The following MYRFL variants were observed in gnomAD, a reference collection of about 807,000 sequenced individuals.
MYRFL encodes the protein myelin regulatory factor like.
In MYRFL, 88 loss-of-function variants were observed where a neutral mutation model predicts 109.4. The ratio of observed to expected loss-of-function variants is 0.80; its 90% confidence interval spans 0.68 to 0.96. The LOEUF (loss-of-function observed/expected upper bound fraction) is 0.96, where lower values mean the gene tolerates loss of function less well. Among genes scored for constraint, MYRFL ranks in the 40% least tolerant of loss-of-function variants. The pLI, the probability that MYRFL is intolerant of heterozygous loss-of-function variation, is 0.00. For synonymous variants in MYRFL, 324 were observed against 320.9 expected (o/e 1.01, Z -0.10); for missense variants, 957 against 954.9 (o/e 1.00, Z -0.03).
chr12:69,907,487 G>T (rs1243130311), intron 11 of MYRFL, among the ~76,000 whole-genome samples: 3 of 152,144 alleles, frequency 2.0e-5, no homozygotes, highest in African/African-American at 7.2e-5. Context: ...GGGCCCTGCA[G>T]GTGGGGCAGG....
At chr12:69,832,424 G>A (rs1882686149) in intron 1 of MYRFL, among the ~76,000 whole-genome samples, 1 of 152,212 alleles carries the variant, frequency 6.6e-6, no homozygotes, top group East Asian at 1.9e-4. Context: ...TAGATGAAGG[G>A]AGAAGACGAT....
intron 1 of MYRFL, among the ~76,000 whole-genome samples, chr12:69,853,552 C>T (rs528480536): frequency 4.2e-4 from 58 of 139,452 alleles, no homozygotes; most frequent in African/African-American, 1.3e-3. Flanking sequence ...ACATCTCAGA[C>T]GACGGGCGGC....
At chr12:69,836,201 G>T (rs1370154926) in intron 1 of MYRFL, among the ~76,000 whole-genome samples, 1 of 152,206 alleles carries the variant, frequency 6.6e-6, no homozygotes, top group Admixed American at 6.5e-5. Context: ...GCCGGTGTGG[G>T]TCCATTCCTC....
rs113856407 is a variant in MYRFL, at chr12:69,874,358, T to C, written c.138-4670T>C. On this transcript the variant is annotated intron_variant, in intron 2 of 24. Transcript: ENST00000552032. ...ACGCCCTGCTAATTTTAATATTTTT[T>C]GTAGAAACAGGGTCTTCCCATGTTG... is the stretch of plus-strand genomic sequence containing the variant. 6.1e-3 allele frequency among the ~76,000 whole-genome samples: 936 copies of C among 152,214 alleles called. 9 individuals carry two copies. Among genetic ancestry groups the C allele is most frequent in the African/African-American group, 0.022 (895 of 41,522 alleles).
chr12:69,937,043 A>C (rs1044582439), intron 19 of MYRFL, among the ~76,000 whole-genome samples: 7 of 152,282 alleles, frequency 4.6e-5, no homozygotes, highest in East Asian at 3.9e-4. Flanking sequence ...TCTAATTTAG[A>C]GTTCAGGGTG....
intron 1 of MYRFL, among the ~76,000 whole-genome samples, chr12:69,849,961 A>G (rs1440677172): frequency 6.6e-6 from 1 of 152,132 alleles, no homozygotes; most frequent in East Asian, 1.9e-4. Flanking sequence ...TCCCCACCCA[A>G]ATCTCATCTT....
intron 2 of MYRFL, among the ~76,000 whole-genome samples, chr12:69,870,539 G>A (rs555625162): frequency 6.6e-6 from 1 of 152,130 alleles, no homozygotes; most frequent in African/African-American, 2.4e-5. Flanking sequence ...ACGATTGTGA[G>A]TAAAAGGGGC....
chr12:69,842,006 T>C (rs1202314388), intron 1 of MYRFL, among the ~76,000 whole-genome samples: 1 of 152,320 alleles, frequency 6.6e-6, no homozygotes, highest in East Asian at 1.9e-4. Context: ...AGAGGCTAGC[T>C]AACTTATCCT....
chr12:69,836,255 C>T (rs906476084), intron 1 of MYRFL, among the ~76,000 whole-genome samples: 1 of 152,174 alleles, frequency 6.6e-6, no homozygotes, highest in Admixed American at 6.5e-5. Flanking sequence ...ATGTGCTCCT[C>T]TTGCCCTCCA....
chr12:69,904,975 T>C (rs1226978965), intron 11 of MYRFL, among the ~76,000 whole-genome samples: 6 of 152,170 alleles, frequency 3.9e-5, no homozygotes, highest in Admixed American at 3.9e-4. Context: ...CAAAGAATGG[T>C]TGTAATTGTA....
intron 1 of MYRFL, among the ~76,000 whole-genome samples, chr12:69,831,537 G>T (rs1173931932): frequency 6.6e-6 from 1 of 152,150 alleles, no homozygotes; most frequent in Non-Finnish European, 1.5e-5. Flanking sequence ...CTACCTGTGG[G>T]ACTATGGATA....
chr12:69,829,360 C>T (rs899198703), intron 1 of MYRFL, among the ~76,000 whole-genome samples: 4 of 152,038 alleles, frequency 2.6e-5, no homozygotes, highest in East Asian at 3.9e-4. Flanking sequence ...AGGAATACCA[C>T]GGAAGTGCCC....
chr12:69,913,255 G>C (rs1302709625), intron 13 of MYRFL, among the ~76,000 whole-genome samples: 2 of 152,214 alleles, frequency 1.3e-5, no homozygotes, highest in East Asian at 3.9e-4. Context: ...TCTGTGGGTT[G>C]TCTTTTCACT....
intron 8 of MYRFL, among the ~76,000 whole-genome samples, chr12:69,894,205 C>T (rs1887086558): frequency 6.6e-6 from 1 of 151,780 alleles, no homozygotes; most frequent in Admixed American, 6.6e-5. Flanking sequence ...ATCGTGTTGG[C>T]CAGGCTGGTC....
At chr12:69,852,259 C>T (rs895822808) in intron 1 of MYRFL, among the ~76,000 whole-genome samples, 1 of 152,106 alleles carries the variant, frequency 6.6e-6, no homozygotes, top group Non-Finnish European at 1.5e-5. Context: ...TGTCTTTCAG[C>T]CTAAGAACAA....
chr12:69,876,924 G>A (rs1478781453), intron 2 of MYRFL, among the ~76,000 whole-genome samples: 1 of 152,024 alleles, frequency 6.6e-6, no homozygotes, highest in Admixed American at 6.5e-5. Flanking sequence ...CATTTCTCTA[G>A]AGAGTAAACC....
At chr12:69,849,659 T>A (rs1168589034) in intron 1 of MYRFL, among the ~76,000 whole-genome samples, 1 of 152,226 alleles carries the variant, frequency 6.6e-6, no homozygotes, top group African/African-American at 2.4e-5. Context: ...ATGGTGAAAT[T>A]TTTCTCTGTT....
chr12:69,919,443 T>C (rs914513942), intron 13 of MYRFL, among the ~76,000 whole-genome samples: 1 of 152,208 alleles, frequency 6.6e-6, no homozygotes, highest in Non-Finnish European at 1.5e-5. Context: ...CTTGTGCTCT[T>C]TCCATGTAAA....
chr12:69,921,103 GTAAT>G (rs1283964293), intron 13 of MYRFL, among the ~76,000 whole-genome samples: 2 of 152,192 alleles, frequency 1.3e-5, no homozygotes. Context: ...ACAAAGTAGA[GTAAT>G]TAATTGGGTT....
Sources: gnomAD v4.1 joint callset for allele counts (sites outside exome capture counted in the v4.1 genomes callset) on GRCh38, gnomAD v4.1.1 for gene constraint, MANE v1.5 for transcripts, NCBI Gene and HGNC (gene_info 2026-07-23, HGNC 2026-07-21) for gene names.